PURG: variants seen among roughly 807,000 people sequenced by gnomAD.
The protein encoded by PURG is purine-rich element-binding protein gamma.
Under a neutral mutation model 24.3 loss-of-function variants are expected in PURG, and 3 were observed. That is an observed-to-expected ratio of 0.12 (90% CI 0.06 to 0.32). PURG has a LOEUF of 0.32. PURG is among the 10% of genes least tolerant of loss of function. The pLI is 1.00. For synonymous variants in PURG, 180 were observed against 173.1 expected (o/e 1.04, Z -0.31); for missense variants, 371 against 439.1 (o/e 0.84, Z 1.39).
intron 1 of PURG, among the ~76,000 whole-genome samples, chr8:31,019,215 TATTA>T (rs1315269591): frequency 2.3e-5 from 3 of 127,874 alleles, no homozygotes; most frequent in Non-Finnish European, 3.2e-5. Flanking sequence ...TTGATCAACA[TATTA>T]ATTATAGTAC....
At chr8:31,024,391 T>G (rs778723102) in intron 1 of PURG, among the ~76,000 whole-genome samples, 3 of 152,168 alleles carry the variant, frequency 2.0e-5, no homozygotes, top group Non-Finnish European at 2.9e-5. Flanking sequence ...ATCTTTCACA[T>G]GAGGAAATCA....
chr8:31,016,383 AATAAATAAATAAATAG>A (rs1810864324), intron 1 of PURG, among the ~76,000 whole-genome samples: 1 of 151,710 alleles, frequency 6.6e-6, no homozygotes, highest in Admixed American at 6.6e-5. Flanking sequence ...CTGTCTCAAA[AATAAATAAATAAATAG>A]ATAAATAAAT....
chr8:31,015,463 T>C (rs1342502386), intron 1 of PURG, among the ~76,000 whole-genome samples: 1 of 151,976 alleles, frequency 6.6e-6, no homozygotes, highest in African/African-American at 2.4e-5. Flanking sequence ...TTATACTGCA[T>C]ATATATTTTA....
At chr8:31,010,132 A>C (rs937037639) in intron 1 of PURG, among the ~76,000 whole-genome samples, 1 of 152,164 alleles carries the variant, frequency 6.6e-6, no homozygotes, top group Non-Finnish European at 1.5e-5. Flanking sequence ...TAAAAAATGG[A>C]ATGCAGGGAA....
chr8:31,012,128 G>A (rs1339665523), intron 1 of PURG, among the ~76,000 whole-genome samples: 2 of 152,214 alleles, frequency 1.3e-5, no homozygotes, highest in African/African-American at 4.8e-5. Flanking sequence ...CCAGTGCAAG[G>A]TGGAGAGGGG....
At position 30,996,580 on chromosome 8, in the gene PURG, A is replaced by G. The variant is rs1585348690; in HGVS notation, c.*13T>C. 1.1e-5 allele frequency: 17 copies of G among 1,568,490 alleles called. No homozygotes were observed. In the East Asian group the frequency reaches 3.6e-4, roughly 33 times the overall value. On this transcript the variant is annotated 3_prime_UTR_variant, in exon 2 of 2. Coordinates refer to the PURG transcript ENST00000339382. The stretch of plus-strand genomic sequence containing the variant: ...TGCCTTTATTCTGAGGTGTAACATA[A>G]GAGATTTATTCCTTATTCCTCAACT...
rs144839866 is a variant in PURG, at chr8:30,997,447, T to C, written c.865-750A>G. On this transcript the variant is annotated intron_variant, in intron 1 of 1. Coordinates refer to the PURG transcript ENST00000339382. ...AAAGAACCAAACCAAACAACTGACA[T>C]GGAATTTGTGTTTGGTCTCCCCTTC... 1.6e-3 allele frequency among the ~76,000 whole-genome samples: 250 copies of C among 151,804 alleles called. 2 individuals carry two copies. Among genetic ancestry groups the C allele is most frequent in the African/African-American group, 5.7e-3 (235 of 41,544 alleles).
At chr8:31,011,799 T>C (rs56412089) in intron 1 of PURG, among the ~76,000 whole-genome samples, 57,283 of 152,040 alleles carry the variant, frequency 0.38, 13,346 homozygotes, top group East Asian at 0.63. Context: ...GCACAGAACC[T>C]GGCAAAAAGT....
chr8:31,006,239 AAAC>A (rs1810648408), intron 1 of PURG, among the ~76,000 whole-genome samples: 1 of 152,234 alleles, frequency 6.6e-6, no homozygotes, highest in East Asian at 1.9e-4. Context: ...TTTGAGAAGA[AAAC>A]AATAATGACC....
chr8:31,031,947 C>T lies in PURG; in HGVS notation c.836G>A (p.Gly279Asp). The T allele has an allele frequency of 6.2e-7, 1 of 1,614,160 alleles. No homozygotes were observed. The highest frequency in any genetic ancestry group is 8.5e-7 in the Non-Finnish European group (1 of 1,180,036). Residue 279 changes from glycine to aspartate, a missense_variant, in exon 2 of 2, where the codon GGC becomes GAC. Transcript: ENST00000523392. ...CAGGAAAATTCCATATTTATTAGAG[C>T]CCACATCAAAGTAGAACCTTTTATT... ...VDNKRFYFDV[G>D]SNKYGIFLKV...
chr8:31,005,363 G>A (rs1388626997), intron 1 of PURG, among the ~76,000 whole-genome samples: 3 of 151,850 alleles, frequency 2.0e-5, no homozygotes, highest in African/African-American at 7.3e-5. Flanking sequence ...AAGCTGGGAG[G>A]TGGGGGTTGC....
intron 1 of PURG, among the ~76,000 whole-genome samples, chr8:30,998,576 C>G (rs2543598): frequency 6.6e-6 from 1 of 151,630 alleles, no homozygotes; most frequent in Non-Finnish European, 1.5e-5. Flanking sequence ...TCTTCAATCC[C>G]TAAGGTATTA....
rs200995309 is a variant in PURG, at chr8:31,016,476, C to CA, written c.864+15442dup. 9.8e-3 allele frequency among the ~76,000 whole-genome samples: 1,394 copies of CA among 141,546 alleles called. 27 individuals carry two copies. The highest frequency in any genetic ancestry group is 0.034 in the African/African-American group (1,328 of 38,636). 92.9% of individuals were successfully genotyped at this position (141,546 alleles called of 152,430 possible). ...GGATACTACTTATTAATATTGTAAC[C>CA]AAAAAAATCATCATTCCATGGTGTC... On this transcript the variant is annotated intron_variant, in intron 1 of 1. Coordinates refer to the PURG transcript ENST00000339382.
At chr8:31,006,507 T>C (rs947711372) in intron 1 of PURG, among the ~76,000 whole-genome samples, 3 of 147,154 alleles carry the variant, frequency 2.0e-5, no homozygotes, top group African/African-American at 7.3e-5. Flanking sequence ...GGCAAGAGAA[T>C]AGCTCCGTCT....
downstream of PURG, among the ~76,000 whole-genome samples, chr8:31,025,990 A>G (rs527430314): frequency 1.3e-4 from 20 of 152,012 alleles, no homozygotes; most frequent in South Asian, 3.7e-3. Flanking sequence ...AATCGGGTCT[A>G]GAGTTACCTA....
chr8:31,001,909 C>G (rs1211706069), intron 1 of PURG, among the ~76,000 whole-genome samples: 1 of 152,096 alleles, frequency 6.6e-6, no homozygotes, highest in Non-Finnish European at 1.5e-5. Flanking sequence ...GATGTGTTTT[C>G]CAGAGAACCA....
At chr8:31,016,609 A>AAAAAAAAAAAAT (rs1810876047) in intron 1 of PURG, among the ~76,000 whole-genome samples, 1 of 147,144 alleles carries the variant, frequency 6.8e-6, no homozygotes, top group African/African-American at 2.5e-5. Context: ...AAAAAAAAAA[A>AAAAAAAAAAAAT]GAAAGAACGC....
intron 1 of PURG, among the ~76,000 whole-genome samples, chr8:31,020,150 G>C (rs1040826467): frequency 1.3e-5 from 2 of 152,100 alleles, no homozygotes; most frequent in Non-Finnish European, 2.9e-5. Context: ...ACAGTATATA[G>C]TTCCTCCATT....
At position 31,032,587 on chromosome 8, in the gene PURG, C is replaced by T. The variant is rs1410902361; in HGVS notation, c.196G>A (p.Asp66Asn). ...AGGTAAAACCTCTTTTTCTGGATGT[C>T]CACTCGTTTGGAGGCCAGCTCCTGG... ...EIQELASKRV[D>N]IQKKRFYLDV... The change falls in exon 2 of 2, where the codon GAC (aspartate) becomes AAC (asparagine). Residue 66 changes from aspartate (D) to asparagine (N), a missense_variant. Asp to Asn is a conservative substitution (Grantham distance 23). Around this residue, in one of 5 missense-constraint regions of PURG, gnomAD observed 213 missense variants for 230.6 expected, o/e 0.92. Transcript: ENST00000523392. The surrounding 1 kb of genome is among the most constrained non-coding windows in gnomAD (Gnocchi z 5.9). 6.2e-7 allele frequency: 1 copy of T among 1,611,630 alleles called. No individual in the cohort carries two copies. Among genetic ancestry groups the T allele is most frequent in the South Asian group, 1.1e-5 (1 of 90,942 alleles).
Sources: allele counts gnomAD v4.1 joint callset (sites outside exome capture counted in the v4.1 genomes callset), GRCh38; gene constraint gnomAD v4.1.1; regional missense constraint gnomAD v4.1.1; non-coding constraint Gnocchi (gnomAD v3.1); transcripts MANE v1.5; gene names NCBI Gene and HGNC (gene_info 2026-07-23, HGNC 2026-07-21).